TTC39B: variants seen among roughly 807,000 people sequenced by gnomAD.
TTC39B encodes tetratricopeptide repeat domain 39B, also known as tetratricopeptide repeat protein 39B.
A neutral mutation model predicts 96.6 loss-of-function variants in TTC39B; 92 were observed. The ratio of observed to expected loss-of-function variants is 0.95; its 90% CI spans 0.80 to 1.13. TTC39B has a LOEUF of 1.13. TTC39B is among the 50% of genes most tolerant of loss of function. TTC39B has a pLI of 0.00. For synonymous variants in TTC39B, 367 were observed against 299.4 expected (o/e 1.23, Z -2.33); for missense variants, 955 against 809.3 (o/e 1.18, Z -2.18).
chr9:15,246,373 T>A (rs531988815), intron 2 of TTC39B, among the ~76,000 whole-genome samples: 4 of 151,942 alleles, frequency 2.6e-5, no homozygotes, highest in Non-Finnish European at 5.9e-5. Context: ...TTAACAAAAA[T>A]TCAAATCTAA....
At chr9:15,189,822 T>G in intron 11 of TTC39B, 30 bp from the exon 12 acceptor site, 1 of 1,481,384 alleles carries the variant, frequency 6.8e-7, no homozygotes, top group South Asian at 1.2e-5. Flanking sequence ...AGACTCAGTC[T>G]TCATAAGACA....
chr9:15,266,607 A>G lies in TTC39B; in HGVS notation c.275+1307T>C, dbSNP rs188415021. ...GTATTGGTAGCCAAGTAAATTGATA[A>G]TACTCCTGTGGAAGTACTGTAAAAC... On this transcript the variant is annotated intron_variant, in intron 2 of 19. Transcript: ENST00000512701. 2.3e-3 allele frequency among the ~76,000 whole-genome samples: 350 copies of G among 152,270 alleles called. 1 individual carries two copies. Among genetic ancestry groups the G allele is most frequent in the African/African-American group, 8.1e-3 (337 of 41,540 alleles).
chr9:15,205,553 T>G (rs59276732), intron 6 of TTC39B, among the ~76,000 whole-genome samples: 2,109 of 152,240 alleles, frequency 0.014, 50 homozygotes, highest in African/African-American at 0.048. Context: ...CAGACCAAAC[T>G]TGAGGAGTTA....
At chr9:15,265,004 G>C (rs966659690) in intron 2 of TTC39B, among the ~76,000 whole-genome samples, 1 of 151,956 alleles carries the variant, frequency 6.6e-6, no homozygotes, top group African/African-American at 2.4e-5. Flanking sequence ...CAAACAGTGT[G>C]TTATTATTTT....
chr9:15,182,193 C>G, intron 17 of TTC39B, 114 bp downstream of exon 17: 2 of 617,970 alleles, frequency 3.2e-6, no homozygotes, highest in South Asian at 2.6e-5. Flanking sequence ...AGCTCAAGCT[C>G]TTTGTCCTTG....
intron 2 of TTC39B, among the ~76,000 whole-genome samples, chr9:15,243,140 C>T (rs930294688): frequency 6.6e-6 from 1 of 152,168 alleles, no homozygotes; most frequent in Admixed American, 6.5e-5. Context: ...TCTTCCTGCA[C>T]CCAACGCCAT....
chr9:15,167,003 TA>T (rs1564299749), exon 20 of TTC39B: 206 of 8,466 alleles, frequency 0.024, 28 homozygotes, highest in African/African-American at 0.061. Flanking sequence ...TATATATATA[TA>T]TATATATATA....
At chr9:15,238,535 G>A (rs1586939346) in intron 2 of TTC39B, among the ~76,000 whole-genome samples, 1 of 152,268 alleles carries the variant, frequency 6.6e-6, no homozygotes, top group East Asian at 1.9e-4. Flanking sequence ...TCCCATTTAT[G>A]TTAGCCACAA....
chr9:15,210,618 G>A (rs892651267), intron 5 of TTC39B, among the ~76,000 whole-genome samples: 16 of 152,238 alleles, frequency 1.1e-4, no homozygotes, highest in Middle Eastern at 3.4e-3. Flanking sequence ...CCTATGGGGG[G>A]CACATCAAGC....
intron 16 of TTC39B, among the ~76,000 whole-genome samples, chr9:15,184,595 A>C (rs1303660815): frequency 2.0e-5 from 3 of 152,342 alleles, no homozygotes; most frequent in South Asian, 2.1e-4. Context: ...ATTCAAGTTG[A>C]AATTGTGTTT....
chr9:15,212,029 C>T (rs1351378814), intron 4 of TTC39B, among the ~76,000 whole-genome samples: 1 of 152,140 alleles, frequency 6.6e-6, no homozygotes, highest in Non-Finnish European at 1.5e-5. Context: ...TAGAACTAGT[C>T]CTAATAGATG....
chr9:15,170,100 C>G (rs192523948), exon 20 of TTC39B: 1 of 101,102 alleles, frequency 9.9e-6, no homozygotes, highest in South Asian at 3.2e-4. Flanking sequence ...TTTTCCACTA[C>G]TAATTATAAT....
chr9:15,292,872 C>T (rs1824238869), intron 1 of TTC39B, among the ~76,000 whole-genome samples: 1 of 152,086 alleles, frequency 6.6e-6, no homozygotes, highest in Non-Finnish European at 1.5e-5. Context: ...TTTAAAAGTT[C>T]ATAAAGCAAA....
chr9:15,197,011 A>G (rs922104992), intron 8 of TTC39B, among the ~76,000 whole-genome samples: 1 of 152,242 alleles, frequency 6.6e-6, no homozygotes, highest in Non-Finnish European at 1.5e-5. Flanking sequence ...GGCTGAGATA[A>G]TTGTTAGCAT....
intron 1 of TTC39B, among the ~76,000 whole-genome samples, chr9:15,280,108 G>A (rs577400538): frequency 8.1e-4 from 123 of 152,136 alleles, no homozygotes; most frequent in African/African-American, 2.8e-3. Flanking sequence ...ATGTTGGCCT[G>A]GCTGATCTTG....
chr9:15,212,327 C>T (rs1019252400), intron 4 of TTC39B, among the ~76,000 whole-genome samples: 1 of 145,168 alleles, frequency 6.9e-6, no homozygotes, highest in Admixed American at 6.9e-5. Context: ...CAAAGTTAAT[C>T]ATTAATTGTG....
intron 6 of TTC39B, among the ~76,000 whole-genome samples, chr9:15,207,983 CAAAAAAAAA>C (rs531829809): frequency 1.4e-4 from 12 of 84,620 alleles, no homozygotes; most frequent in East Asian, 5.2e-4. Flanking sequence ...GACTTGGTCT[CAAAAAAAAA>C]AAAAAAAAAA....
At chr9:15,177,559 A>C (rs963337507) in intron 18 of TTC39B, 138 bp downstream of exon 18, 27 of 593,388 alleles carry the variant, frequency 4.6e-5, no homozygotes, top group Admixed American at 2.5e-4. Context: ...CAACAACAAC[A>C]CACTACTGGA....
chr9:15,260,508 C>T (rs1822905197), intron 2 of TTC39B, among the ~76,000 whole-genome samples: 1 of 152,060 alleles, frequency 6.6e-6, no homozygotes, highest in Non-Finnish European at 1.5e-5. Context: ...CTATTTATAA[C>T]TTAACCACTC....
Sources: gnomAD v4.1 joint callset for allele counts (sites outside exome capture counted in the v4.1 genomes callset) on GRCh38, gnomAD v4.1.1 for gene constraint, MANE v1.5 for transcripts, NCBI Gene and HGNC (gene_info 2026-07-23, HGNC 2026-07-21) for gene names.